The following GMEB1 variants were observed in gnomAD, a reference collection of about 807,000 sequenced individuals.
The protein encoded by GMEB1 is glucocorticoid modulatory element binding protein 1.
A neutral mutation model predicts 52.4 loss-of-function variants in GMEB1; 6 were observed. The ratio of observed to expected loss-of-function variants is 0.11; its 90% CI spans 0.06 to 0.23. The LOEUF (loss-of-function observed/expected upper bound fraction) is 0.23, where lower values mean the gene tolerates loss of function less well. Ranked by LOEUF, GMEB1 falls within the 10% of genes least tolerant of loss-of-function variation. GMEB1 has a pLI of 1.00. For synonymous variants in GMEB1, 255 were observed against 244.9 expected, an observed-to-expected ratio of 1.04 and a Z score of -0.38; for missense variants, 486 against 685.6, an observed-to-expected ratio of 0.71 and a Z score of 3.25.
At chr1:28,684,808 CAT>C (rs1309080668) in intron 2 of GMEB1, among the ~76,000 whole-genome samples, 9 of 152,082 alleles carry the variant, frequency 5.9e-5, no homozygotes, top group Admixed American at 5.9e-4. Context: ...CCATGGCACA[CAT>C]ATACCCATGT....
chr1:28,705,268 T>A (rs987306009), intron 8 of GMEB1, among the ~76,000 whole-genome samples: 1 of 150,582 alleles, frequency 6.6e-6, no homozygotes, highest in Non-Finnish European at 1.5e-5. Flanking sequence ...ATGGTGCACA[T>A]CTGTAATCCC....
chr1:28,671,891 C>A (rs186145229), intron 1 of GMEB1, among the ~76,000 whole-genome samples: 1 of 151,652 alleles, frequency 6.6e-6, no homozygotes, highest in African/African-American at 2.4e-5. Context: ...TGGAGGCGGG[C>A]GGATCACCTG....
At position 28,692,978 on chromosome 1, in the gene GMEB1, C is replaced by A. The variant is rs372654787; in HGVS notation, c.373C>A (p.His125Asn). The A allele has an allele frequency of 6.2e-7, 1 of 1,609,414 alleles. No homozygotes were observed. Among genetic ancestry groups the A allele is most frequent in the Admixed American group, 1.7e-5 (1 of 59,568 alleles). Reference sequence around the variant, plus strand: ...GTTGATCAGCCCCAAGCACTTTGTTCATCTGGCTGGCAAGTCCACTCTGAA... The same window carrying A: ...GTTGATCAGCCCCAAGCACTTTGTTAATCTGGCTGGCAAGTCCACTCTGAA... ...DQLISPKHFV[H>N]LAGKSTLKDW... is the part of the protein sequence containing the mutation. Residue 125 changes from histidine (H) to asparagine (N), a missense_variant, in exon 5 of 10, where the codon CAT becomes AAT. By Grantham distance (68) the His-to-Asn change is moderately conservative. Transcript: ENST00000373816.
chr1:28,711,286 C>CA (rs372935027), intron 9 of GMEB1, among the ~76,000 whole-genome samples: 5,124 of 82,522 alleles, frequency 0.062, 132 homozygotes, highest in Middle Eastern at 0.089. Context: ...GACTCTGTCT[C>CA]AAAAAAAAAA....
At chr1:28,685,860 G>A (rs1383807828) in intron 2 of GMEB1, among the ~76,000 whole-genome samples, 1 of 152,180 alleles carries the variant, frequency 6.6e-6, no homozygotes, top group Non-Finnish European at 1.5e-5. Context: ...TCAGGAGGCT[G>A]AGGCAGGATA....
At chr1:28,705,982 G>A (rs931719464) in intron 8 of GMEB1, among the ~76,000 whole-genome samples, 18 of 147,882 alleles carry the variant, frequency 1.2e-4, no homozygotes, top group African/African-American at 2.2e-4. Flanking sequence ...GTGAAACCCC[G>A]TCTCTACTAA....
chr1:28,689,305 T>A (rs1306205852), intron 2 of GMEB1, among the ~76,000 whole-genome samples: 1 of 151,934 alleles, frequency 6.6e-6, no homozygotes, highest in Non-Finnish European at 1.5e-5. Context: ...GAATTACAGG[T>A]GTGAGCCACC....
intron 5 of GMEB1, among the ~76,000 whole-genome samples, 169 bp downstream of exon 5, chr1:28,693,214 G>C (rs1200232831): frequency 1.3e-5 from 2 of 151,148 alleles, no homozygotes; most frequent in Non-Finnish European, 3.0e-5. Context: ...TGGGAGACGA[G>C]ATTGATTTTT....
intron 6 of GMEB1, among the ~76,000 whole-genome samples, chr1:28,699,303 A>G (rs1423546882): frequency 6.6e-6 from 1 of 152,186 alleles, no homozygotes; most frequent in East Asian, 1.9e-4. Flanking sequence ...GTCCAGCTGG[A>G]GACTTACTAT....
chr1:28,712,696 G>A (rs1671113747), intron 9 of GMEB1, among the ~76,000 whole-genome samples: 1 of 152,074 alleles, frequency 6.6e-6, no homozygotes, highest in Admixed American at 6.6e-5. Context: ...TTGCATGCCT[G>A]TAGTCCCATC....
At chr1:28,687,690 T>A (rs980775613) in intron 2 of GMEB1, among the ~76,000 whole-genome samples, 10 of 152,040 alleles carry the variant, frequency 6.6e-5, no homozygotes, top group Non-Finnish European at 1.0e-4. Flanking sequence ...AGGATACTAG[T>A]CTAGAGATGA....
At chr1:28,672,769 C>A (rs1326523790) in intron 1 of GMEB1, among the ~76,000 whole-genome samples, 1 of 130,288 alleles carries the variant, frequency 7.7e-6, no homozygotes, top group African/African-American at 2.8e-5. Context: ...TTGACGGAGT[C>A]TCGCTCTGTT....
intron 1 of GMEB1, among the ~76,000 whole-genome samples, chr1:28,678,449 A>C (rs1669251556): frequency 6.6e-6 from 1 of 151,238 alleles, no homozygotes; most frequent in Admixed American, 6.6e-5. Context: ...AGCTTGGACT[A>C]CAGGGGCCCG....
intron 8 of GMEB1, among the ~76,000 whole-genome samples, chr1:28,709,288 CAG>C (rs2124582578): frequency 6.6e-6 from 1 of 152,176 alleles, no homozygotes; most frequent in East Asian, 1.9e-4. Flanking sequence ...GCCTGGGTGA[CAG>C]AGTGAGACTC....
intron 5 of GMEB1, among the ~76,000 whole-genome samples, chr1:28,694,505 A>G (rs1171298107): frequency 1.4e-5 from 2 of 138,524 alleles, no homozygotes; most frequent in African/African-American, 5.0e-5. Context: ...AAGATTTTTT[A>G]AAAAGAGCAA....
At chr1:28,668,940 C>A (rs951754119) in intron 1 of GMEB1, 101 bp downstream of exon 1, 185 of 142,414 alleles carry the variant, frequency 1.3e-3, no homozygotes, top group African/African-American at 4.5e-3. Flanking sequence ...GGCGGGCGCG[C>A]AGGGGGCGGG....
Position 28,701,398 on chromosome 1 carries a change from T to C in GMEB1, c.599-1040T>C, listed in dbSNP as rs571152729. On this transcript the variant is annotated intron_variant, in intron 6 of 9. Transcript: ENST00000373816. ...CACTCTCCTGCCTCAGCCTCCTGAG[T>C]AGCTGGGACTACAGGCACCCGCCAG... Among the ~76,000 whole-genome samples the C allele has an allele frequency of 3.7e-3, 554 of 150,916 alleles. 7 individuals are homozygous for C. Among genetic ancestry groups the C allele is most frequent in the African/African-American group, 0.013 (530 of 41,134 alleles).
chr1:28,691,923 G>A (rs1306756034), intron 4 of GMEB1, among the ~76,000 whole-genome samples: 1 of 151,508 alleles, frequency 6.6e-6, no homozygotes, highest in Admixed American at 6.6e-5. Context: ...GCTCATGCCT[G>A]TAATCCTAGC....
rs956958489 is a variant in GMEB1 at position 28,716,534 on chromosome 1, C to T, written c.*1761C>T. On this transcript the variant is annotated 3_prime_UTR_variant, in exon 10 of 10. Coordinates refer to ENST00000373816, the MANE Select transcript of GMEB1 (RefSeq NM_001319674.2). Reference sequence around the variant, plus strand: ...ACAGGTGCCTGCCTGCCTTCGTCCCCTTTTAGATTCATTTATACCACAGAT... The same window carrying T: ...ACAGGTGCCTGCCTGCCTTCGTCCCTTTTTAGATTCATTTATACCACAGAT... The T allele has an allele frequency of 1.3e-5, 2 of 152,150 alleles. No homozygotes were observed. Among genetic ancestry groups the T allele is most frequent in the African/African-American group, 4.8e-5 (2 of 41,426 alleles). The allele number at this position is 152,150 out of a possible 1,614,324, so 9.4% of individuals were successfully genotyped here.
Sources: gnomAD v4.1 joint callset for allele counts (sites outside exome capture counted in the v4.1 genomes callset) on GRCh38, gnomAD v4.1.1 for gene constraint, MANE v1.5 for transcripts, NCBI Gene and HGNC (gene_info 2026-07-23, HGNC 2026-07-21) for gene names.